Variants in CFAP46 observed in about 807,000 individuals in gnomAD.
The protein encoded by CFAP46 is cilia and flagella associated protein 46.
Under a neutral mutation model 325.7 loss-of-function variants are expected in CFAP46, and 245 were observed. The observed-to-expected ratio is 0.75, with a 90% CI of 0.68 to 0.84. The LOEUF is 0.84. CFAP46 is among the 40% of genes least tolerant of loss of function. The probability of loss-of-function intolerance (pLI) is 0.00; values close to 1 mark genes in which losing one functional copy is unlikely to be tolerated. For missense variants in CFAP46, 3,346 were observed against 3,543.0 expected, an observed-to-expected ratio of 0.94 and a Z score of 1.41; for synonymous variants, 1,523 against 1,495.9, an observed-to-expected ratio of 1.02 and a Z score of -0.42.
rs905426470 is a variant in CFAP46, at chr10:132,924,853, C to T, written c.1099G>A (p.Ala367Thr). The T allele has an allele frequency of 3.3e-5, 47 of 1,427,312 alleles. No individual in the cohort carries two copies. The highest frequency in any genetic ancestry group is 1.0e-4 in the African/African-American group (7 of 67,014). The allele number at this position is 1,427,312 out of a possible 1,614,324, so 88.4% of individuals were successfully genotyped here. A position where few individuals can be genotyped will look rare whatever the true frequency, so the allele number is the denominator to read the frequency against. Residue 367 changes from alanine (A) to threonine (T), a missense_variant, in exon 11 of 58, where the codon GCG (alanine) becomes ACG (threonine). Coordinates refer to ENST00000368586, the MANE Select transcript of CFAP46 (RefSeq NM_001200049.3). ...CCCAGGCGCACGGCTCGCTGCAGCG[C>T]GACGTCTAGCCTCTGTATGATATCC... ...QLDIIQRLDV[A>T]LQRAVRLGDP...
At chr10:132,826,212 G>A (rs747511542) in intron 50 of CFAP46, among the ~76,000 whole-genome samples, 1,008 of 37,698 alleles carry the variant, frequency 0.027, no homozygotes, top group Admixed American at 0.058. Context: ...CCGGAGCCAC[G>A]GAGACCAGCC....
chr10:132,920,369 TC>T (rs1849704815), intron 13 of CFAP46, among the ~76,000 whole-genome samples, 187 bp from the exon 14 acceptor site: 1 of 152,038 alleles, frequency 6.6e-6, no homozygotes. Context: ...ATTGCCTGTG[TC>T]TCCTGCCGGC....
At chr10:132,871,833 C>T (rs1848898954) in intron 32 of CFAP46, among the ~76,000 whole-genome samples, 1 of 152,216 alleles carries the variant, frequency 6.6e-6, no homozygotes. Context: ...GTGGCAGCAG[C>T]ATTTAAGAGA....
chr10:132,843,823 C>T (rs1209427403), intron 44 of CFAP46, among the ~76,000 whole-genome samples: 4 of 80,220 alleles, frequency 5.0e-5, no homozygotes, highest in African/African-American at 2.0e-4. Flanking sequence ...TCCCAGGGTG[C>T]TGTGGGGCTG....
rs563842460 is a variant in CFAP46 at position 132,941,161 on chromosome 10, C to G, written c.307-101G>C. 1.2e-5 allele frequency: 14 copies of G among 1,149,630 alleles called. No individual in the cohort carries two copies. In the Admixed American group the frequency reaches 2.4e-4, roughly 20 times the overall value. 71.2% of individuals were successfully genotyped at this position (1,149,630 alleles called of 1,614,324 possible). ...CTCCCTCACGGTTGGCCTGGTACCC[C>G]CTGTGTGTCACCTGTGTATCCACAG... On this transcript the variant is annotated intron_variant, in intron 3 of 57. Coordinates refer to ENST00000368586, the MANE Select transcript of CFAP46 (RefSeq NM_001200049.3).
intron 35 of CFAP46, among the ~76,000 whole-genome samples, chr10:132,864,190 C>T (rs1486046828): frequency 4.3e-5 from 6 of 140,740 alleles, no homozygotes; most frequent in Admixed American, 4.2e-4. Flanking sequence ...GAGACCTGCA[C>T]ACACATGTCC....
At chr10:132,816,266 G>A (rs968828974) in intron 50 of CFAP46, among the ~76,000 whole-genome samples, 5 of 150,646 alleles carry the variant, frequency 3.3e-5, no homozygotes, top group Middle Eastern at 3.5e-3. Flanking sequence ...TTTCCCTGGC[G>A]TCTTCTGCAT....
chr10:132,828,985 G>A lies in CFAP46; in HGVS notation c.7117+4373C>T, dbSNP rs1033996284. 2.0e-5 allele frequency among the ~76,000 whole-genome samples: 3 copies of A among 151,780 alleles called. No homozygotes were observed. The highest frequency in any genetic ancestry group is 2.9e-5 in the Non-Finnish European group (2 of 68,018). On this transcript the variant is annotated intron_variant, in intron 50 of 57. Coordinates refer to ENST00000368586, the MANE Select transcript of CFAP46 (RefSeq NM_001200049.3). The surrounding 1 kb of genome is among the most constrained non-coding windows in gnomAD (Gnocchi z 4.9). ...GTATCAATACTGCACCCATGTGACG[G>A]GGTCCTGACATCAGGTGGCGTGTGC...
At chr10:132,894,245 C>T (rs545322534) in intron 24 of CFAP46, among the ~76,000 whole-genome samples, 43 of 152,354 alleles carry the variant, frequency 2.8e-4, no homozygotes, top group African/African-American at 8.7e-4. Context: ...AACTGCTCCC[C>T]TAACATAATT....
At chr10:132,864,271 C>T (rs968298965) in intron 35 of CFAP46, among the ~76,000 whole-genome samples, 1 of 139,084 alleles carries the variant, frequency 7.2e-6, no homozygotes, top group Middle Eastern at 3.9e-3. Context: ...CTGAGACCTG[C>T]ACACACCTGT....
chr10:132,865,888 C>T lies in CFAP46; in HGVS notation c.4890+137G>A. 9.7e-6 allele frequency: 8 copies of T among 825,024 alleles called. No homozygotes were observed. The South Asian group carries it at 3.1e-4, about 32-fold the overall frequency. The allele number at this position is 825,024 out of a possible 1,614,324, so 51.1% of individuals were successfully genotyped here. A position where few individuals can be genotyped will look rare whatever the true frequency, so the allele number is the denominator to read the frequency against. ...CACAGGACTGACTTCCCGCAGAGAG[C>T]TGGACCCAGACAAGAGAGGCACGTG... is the stretch of plus-strand genomic sequence containing the variant. On this transcript the variant is annotated intron_variant, in intron 35 of 57. Coordinates refer to ENST00000368586, the MANE Select transcript of CFAP46 (RefSeq NM_001200049.3).
intron 50 of CFAP46, among the ~76,000 whole-genome samples, chr10:132,815,977 C>T (rs1316133058): frequency 1.3e-5 from 2 of 152,138 alleles, no homozygotes; most frequent in Non-Finnish European, 1.5e-5. Context: ...GACAGTCTGG[C>T]AGAATTCAGT....
At chr10:132,942,323 G>A (rs1850118423) in intron 1 of CFAP46, 113 bp downstream of exon 1, 10 of 843,334 alleles carry the variant, frequency 1.2e-5, no homozygotes, top group Non-Finnish European at 1.5e-5. Context: ...GGCCCTCGAG[G>A]GATCACCCAT....
intron 11 of CFAP46, among the ~76,000 whole-genome samples, 169 bp from the exon 12 acceptor site, chr10:132,922,877 G>C (rs1849749068): frequency 6.6e-6 from 1 of 152,202 alleles, no homozygotes; most frequent in Non-Finnish European, 1.5e-5. Flanking sequence ...ACCTGGCCCT[G>C]GGGACTCACA....
chr10:132,837,931 A>ATGCACGGACACAGACACGCATGTG (rs1564772994), intron 44 of CFAP46, among the ~76,000 whole-genome samples: 3 of 142,216 alleles, frequency 2.1e-5, no homozygotes, highest in African/African-American at 7.9e-5. Context: ...ACACGCAGAC[A>ATGCACGGACACAGACACGCATGTG]TGCACGGACA....
At chr10:132,867,989 G>A (rs1283107916) in intron 33 of CFAP46, among the ~76,000 whole-genome samples, 2 of 152,166 alleles carry the variant, frequency 1.3e-5, no homozygotes, top group East Asian at 3.9e-4. Flanking sequence ...ATGAACACCA[G>A]GTCCTGGCCA....
At chr10:132,873,591 C>T (rs1848924059) in intron 31 of CFAP46, among the ~76,000 whole-genome samples, 1 of 152,176 alleles carries the variant, frequency 6.6e-6, no homozygotes, top group Non-Finnish European at 1.5e-5. Context: ...GTTCAGGGCC[C>T]ACCAAGAGCT....
In CFAP46 at chr10:132,929,279, T is replaced by C. The variant is rs1038130916; in HGVS notation, c.966+426A>G. 17 of 589,036 alleles carry C rather than the reference T, an allele frequency of 2.9e-5. 1 individual carries two copies. Among genetic ancestry groups the C allele is most frequent in the African/African-American group, 2.0e-4 (11 of 53,754 alleles). 36.5% of individuals were successfully genotyped at this position (589,036 alleles called of 1,614,324 possible). A position where few individuals can be genotyped will look rare whatever the true frequency, so the allele number is the denominator to read the frequency against. On this transcript the variant is annotated intron_variant, in intron 9 of 57. Coordinates refer to ENST00000368586, the MANE Select transcript of CFAP46 (RefSeq NM_001200049.3). ...AAGTGATGTGGCTGTGGCCTCTCCC[T>C]CAGAATAGCTTAATATTTTCATACT...
Position 132,885,259 on chromosome 10 carries a change from C to T in CFAP46, c.3471G>A (p.Val1157=). The part of the protein sequence containing the change: ...RLLIFKHMVI[V]KAKLGQNFSM... ...AAAAATTCTGCCCGAGCTTGGCCTT[C>T]ACGATGACCATGTGCTTGAAGATCA... Residue 1157 remains valine, a synonymous_variant, in exon 27 of 58, where the codon GTG becomes GTA. Coordinates refer to ENST00000368586, the MANE Select transcript of CFAP46 (RefSeq NM_001200049.3). 6.5e-7 allele frequency: 1 copy of T among 1,549,502 alleles called. No homozygotes were observed. Among genetic ancestry groups the T allele is most frequent in the Non-Finnish European group, 8.7e-7 (1 of 1,146,294 alleles).
Sources: allele counts gnomAD v4.1 joint callset (sites outside exome capture counted in the v4.1 genomes callset), GRCh38; gene constraint gnomAD v4.1.1; non-coding constraint Gnocchi (gnomAD v3.1); transcripts MANE v1.5; gene names NCBI Gene and HGNC (gene_info 2026-07-23, HGNC 2026-07-21).